The following ASXL2 variants were observed in gnomAD, a reference collection of about 807,000 sequenced individuals.
ASXL2 encodes the protein ASXL transcriptional regulator 2.
ASXL2 carries 23 observed loss-of-function variants against 122.0 expected under a neutral mutation model. The observed-to-expected ratio is 0.19, with a 90% CI of 0.14 to 0.27. ASXL2 has a LOEUF of 0.27. Ranked by LOEUF, ASXL2 falls within the 10% of genes least tolerant of loss-of-function variation. ASXL2 has a pLI of 1.00. For missense variants in ASXL2, 1,518 were observed against 1,713.8 expected (o/e 0.89, Z 2.02); for synonymous variants, 650 against 637.0 (o/e 1.02, Z -0.31).
intron 5 of ASXL2, among the ~76,000 whole-genome samples, chr2:25,782,709 C>G (rs1161047309): frequency 6.6e-6 from 1 of 152,192 alleles, no homozygotes; most frequent in Non-Finnish European, 1.5e-5. Context: ...GAGAAATCCA[C>G]CAATTCTCAA....
rs1266802638 is a variant in ASXL2, at chr2:25,738,254, A to G, written c.*3775T>C. On this transcript the variant is annotated 3_prime_UTR_variant, in exon 13 of 13. Transcript: ENST00000435504. ...TCTTCAATAGTTGTATCAAATGTAA[A>G]GCATTAAAAAAAATAAAGTAACCAA... 6.6e-6 allele frequency: 1 copy of G among 152,198 alleles called. No homozygotes were observed. Among genetic ancestry groups the G allele is most frequent in the Non-Finnish European group, 1.5e-5 (1 of 68,032 alleles). The allele number at this position is 152,198 out of a possible 1,614,324, so 9.4% of individuals were successfully genotyped here.
At chr2:25,804,822 G>A (rs2089055881) in intron 4 of ASXL2, among the ~76,000 whole-genome samples, 1 of 152,160 alleles carries the variant, frequency 6.6e-6, no homozygotes, top group Non-Finnish European at 1.5e-5. Context: ...GGCCGAGGAG[G>A]GTGGATTACC....
At chr2:25,811,290 A>G (rs2089167217) in intron 3 of ASXL2, among the ~76,000 whole-genome samples, 1 of 151,860 alleles carries the variant, frequency 6.6e-6, no homozygotes. Context: ...AACAAAAGAA[A>G]ACAGTATAAC....
At chr2:25,801,155 G>T (rs1472948784) in intron 4 of ASXL2, among the ~76,000 whole-genome samples, 1 of 152,124 alleles carries the variant, frequency 6.6e-6, no homozygotes, top group Non-Finnish European at 1.5e-5. Flanking sequence ...TCCTGGATTT[G>T]AACTCCTGAG....
rs1454785201 is a variant in ASXL2 at position 25,742,954 on chromosome 2, A to G, written c.3383T>C (p.Ile1128Thr). ...PAMAGHYLLN[I>T]STYGRGSESF... ...CTCTGAGCCCCGGCCGTAGGTAGAA[A>G]TATTCAGTAAGTAGTGCCCTGCCAT... Residue 1128 changes from isoleucine (I) to threonine (T), a missense_variant, in exon 13 of 13, where the codon ATT (isoleucine) becomes ACT (threonine). Ile to Thr is a moderately conservative substitution (Grantham distance 89, BLOSUM62 -1). This residue lies in a region of ASXL2 where 831 missense variants were observed against 833.1 expected (regional missense o/e 1.00). Transcript: ENST00000435504. 11 of 1,614,006 alleles carry G rather than the reference A, an allele frequency of 6.8e-6. No individual in the cohort carries two copies. The highest frequency in any genetic ancestry group is 9.3e-6 in the Non-Finnish European group (11 of 1,179,898).
At chr2:25,754,753 G>A (rs1282033480) in intron 10 of ASXL2, among the ~76,000 whole-genome samples, 1 of 152,032 alleles carries the variant, frequency 6.6e-6, no homozygotes, top group Non-Finnish European at 1.5e-5. Context: ...AAAAGTGGGG[G>A]CTGAGGAAGT....
In ASXL2 at chr2:25,749,844, G is replaced by A; in HGVS notation, c.1712C>T (p.Ser571Phe). ...CACAGGGGCCTCTTCTTGGGTGAGG[G>A]AAGACTTCCTCTTGAGGCTTTCTGG... ...QSPESLKRKS[S>F]LTQEEAPVSW... Residue 571 changes from serine to phenylalanine, a missense_variant, in exon 12 of 13, where the codon TCC becomes TTC. Physicochemically the swap from Ser to Phe is radical, Grantham distance 155. This residue lies in a region of ASXL2 where 292 missense variants were observed against 293.5 expected (regional missense o/e 1.00). Coordinates refer to ENST00000435504, the MANE Select transcript of ASXL2 (RefSeq NM_018263.6). The A allele has an allele frequency of 1.9e-6, 3 of 1,610,178 alleles. No homozygotes were observed. Among genetic ancestry groups the A allele is most frequent in the Non-Finnish European group, 2.5e-6 (3 of 1,178,804 alleles).
At chr2:25,773,442 G>A (rs2088490231) in intron 5 of ASXL2, among the ~76,000 whole-genome samples, 1 of 151,910 alleles carries the variant, frequency 6.6e-6, no homozygotes, top group Non-Finnish European at 1.5e-5. Context: ...AAGGCGGGCG[G>A]ATCACAAGGT....
At chr2:25,843,752 T>C (rs2089615268) in intron 2 of ASXL2, among the ~76,000 whole-genome samples, 1 of 141,472 alleles carries the variant, frequency 7.1e-6, no homozygotes, top group Admixed American at 7.5e-5. Flanking sequence ...CAGTACACCA[T>C]GATCATGGCT....
At chr2:25,823,728 CT>C (rs35822311) in intron 3 of ASXL2, among the ~76,000 whole-genome samples, 47,226 of 143,260 alleles carry the variant, frequency 0.33, 7,833 homozygotes, top group African/African-American at 0.41. Flanking sequence ...GGATTTCTTT[CT>C]TTTTTTTTTT....
chr2:25,769,237 C>T (rs1207838363), intron 6 of ASXL2, among the ~76,000 whole-genome samples: 1 of 152,112 alleles, frequency 6.6e-6, no homozygotes, highest in African/African-American at 2.4e-5. Context: ...AAAGCAGAGA[C>T]AGTACGTTTT....
At chr2:25,876,407 G>A (rs1053808897) in intron 1 of ASXL2, among the ~76,000 whole-genome samples, 23 of 152,170 alleles carry the variant, frequency 1.5e-4, no homozygotes, top group African/African-American at 5.3e-4. Flanking sequence ...AGAAACTTGT[G>A]TAATATTAGT....
At chr2:25,779,428 G>T (rs552292055) in intron 5 of ASXL2, among the ~76,000 whole-genome samples, 2 of 151,710 alleles carry the variant, frequency 1.3e-5, no homozygotes, top group African/African-American at 2.4e-5. Flanking sequence ...GTTTCTTCCC[G>T]CCTAACATTT....
intron 4 of ASXL2, among the ~76,000 whole-genome samples, chr2:25,802,993 G>A (rs1314140997): frequency 1.3e-5 from 2 of 152,154 alleles, no homozygotes; most frequent in South Asian, 2.1e-4. Flanking sequence ...TTAGTTAGGC[G>A]AGGTGGCAAG....
chr2:25,876,343 C>A (rs1459815846), intron 1 of ASXL2, among the ~76,000 whole-genome samples: 1 of 152,078 alleles, frequency 6.6e-6, no homozygotes, highest in African/African-American at 2.4e-5. Context: ...TCGCAATCTC[C>A]CAATGACTAT....
At chr2:25,826,043 G>C (rs879811394) in intron 3 of ASXL2, among the ~76,000 whole-genome samples, 1 of 152,140 alleles carries the variant, frequency 6.6e-6, no homozygotes, top group Non-Finnish European at 1.5e-5. Context: ...ACAACGTGGT[G>C]GGCGGGCACT....
At chr2:25,751,442 T>C (rs904262905) in intron 11 of ASXL2, among the ~76,000 whole-genome samples, 5 of 152,086 alleles carry the variant, frequency 3.3e-5, no homozygotes, top group Non-Finnish European at 5.9e-5. Context: ...GAAACCAGCC[T>C]GTGCAACAGG....
At chr2:25,774,706 G>A (rs2088517801) in intron 5 of ASXL2, among the ~76,000 whole-genome samples, 1 of 152,148 alleles carries the variant, frequency 6.6e-6, no homozygotes, top group African/African-American at 2.4e-5. Context: ...TAAAGATTTG[G>A]GGGTATATAT....
chr2:25,763,306 A>G (rs1047123661), intron 8 of ASXL2, among the ~76,000 whole-genome samples: 2 of 152,140 alleles, frequency 1.3e-5, no homozygotes, highest in South Asian at 2.1e-4. Flanking sequence ...CCTGACCAAC[A>G]TGATGAAACC....
Sources: gnomAD v4.1 joint callset for allele counts (sites outside exome capture counted in the v4.1 genomes callset) on GRCh38, gnomAD v4.1.1 for gene constraint, gnomAD v4.1.1 regional missense constraint, MANE v1.5 for transcripts, NCBI Gene and HGNC (gene_info 2026-07-23, HGNC 2026-07-21) for gene names.